The following XPO4 variants were observed in gnomAD, a reference collection of about 807,000 sequenced individuals.
The protein encoded by XPO4 is exportin-4.
A neutral mutation model predicts 143.0 loss-of-function variants in XPO4; 39 were observed. The observed-to-expected ratio is 0.27, with a 90% CI of 0.21 to 0.36. The LOEUF (loss-of-function observed/expected upper bound fraction) is 0.36. XPO4 is among the 10% of genes least tolerant of loss of function. The pLI, the probability that XPO4 is intolerant of heterozygous loss-of-function variation, is 1.00. For synonymous variants in XPO4, 439 were observed against 474.0 expected (o/e 0.93, Z 0.96); for missense variants, 907 against 1,348.0 (o/e 0.67, Z 5.12).
rs2059422764 is a variant in XPO4 at position 20,800,737 on chromosome 13, C to A, written c.1977+94G>T. The A allele has an allele frequency of 2.5e-5, 37 of 1,475,396 alleles. No individual in the cohort carries two copies. The South Asian group carries it at 3.1e-4, about 12-fold the overall frequency. The allele number at this position is 1,475,396 out of a possible 1,614,324, so 91.4% of individuals were successfully genotyped here. On this transcript the variant is annotated intron_variant, in intron 14 of 22. Transcript: ENST00000255305. ...AATGTTAAACTGCTCTTAAACAGTT[C>A]TATTTTGATGAAAAACCACCAAGAA...
At chr13:20,902,171 C>T in intron 1 of XPO4, 2 of 985,362 alleles carry the variant, frequency 2.0e-6, no homozygotes, top group Non-Finnish European at 2.4e-6. Context: ...GCTGCAATTA[C>T]TCCAGAGGTG....
chr13:20,853,055 G>C, intron 4 of XPO4: 1 of 985,240 alleles, frequency 1.0e-6, no homozygotes. Flanking sequence ...CCCATGGCCA[G>C]CCGTGGTGGC....
intron 6 of XPO4, among the ~76,000 whole-genome samples, chr13:20,836,382 T>C (rs2059917129): frequency 6.6e-6 from 1 of 152,216 alleles, no homozygotes; most frequent in Non-Finnish European, 1.5e-5. Flanking sequence ...CTATCTTTGC[T>C]TTCCAAACAC....
chr13:20,839,047 T>C (rs1332280511), intron 6 of XPO4, among the ~76,000 whole-genome samples: 1 of 152,056 alleles, frequency 6.6e-6, no homozygotes, highest in African/African-American at 2.4e-5. Flanking sequence ...GCAGATCACT[T>C]GAGGACAGGA....
At chr13:20,808,268 T>G (rs1425420922) in intron 12 of XPO4, among the ~76,000 whole-genome samples, 168 bp downstream of exon 12, 1 of 152,228 alleles carries the variant, frequency 6.6e-6, no homozygotes, top group Non-Finnish European at 1.5e-5. Context: ...GCATACATAT[T>G]AGCCAGTATT....
At chr13:20,795,423 A>G (rs147053110) in intron 18 of XPO4, among the ~76,000 whole-genome samples, 42 of 152,326 alleles carry the variant, frequency 2.8e-4, no homozygotes, top group Non-Finnish European at 7.3e-5. Context: ...CTGATCCTTC[A>G]AACACACTGA....
chr13:20,857,784 A>G, intron 3 of XPO4: 1 of 920,710 alleles, frequency 1.1e-6, no homozygotes, highest in Non-Finnish European at 1.3e-6. Context: ...AATCTGCCCA[A>G]TGCTGCAGAG....
chr13:20,809,044 G>T (rs1190423174), intron 11 of XPO4, 39 bp downstream of exon 11: 2 of 1,596,880 alleles, frequency 1.3e-6, no homozygotes, highest in South Asian at 1.1e-5. Flanking sequence ...TGTGAATAGA[G>T]AATATTTGCT....
intron 2 of XPO4, among the ~76,000 whole-genome samples, chr13:20,866,723 C>G (rs557571519): frequency 1.3e-5 from 2 of 152,294 alleles, no homozygotes; most frequent in South Asian, 4.1e-4. Flanking sequence ...ACTAGCAATA[C>G]TACTCTTTAG....
intron 2 of XPO4, among the ~76,000 whole-genome samples, chr13:20,867,118 A>G (rs1249421811): frequency 6.6e-6 from 1 of 152,252 alleles, no homozygotes; most frequent in East Asian, 1.9e-4. Context: ...TTCCTTTAAC[A>G]TTGAGTTAAA....
At position 20,807,150 on chromosome 13, in the gene XPO4, C is replaced by T. The variant is rs575468765; in HGVS notation, c.1817+307G>A. 4.6e-5 allele frequency among the ~76,000 whole-genome samples: 7 copies of T among 152,244 alleles called. No individual in the cohort carries two copies. In the East Asian group the frequency reaches 1.4e-3, roughly 29 times the overall value. On this transcript the variant is annotated intron_variant, in intron 13 of 22. Coordinates refer to ENST00000255305, the MANE Select transcript of XPO4 (RefSeq NM_022459.5). ...AGGGCGCCTGCATGCATCAGTATTG[C>T]TCTCTGATGGACAGGCGTTATGTTC...
rs757457400 is a variant in XPO4, at chr13:20,803,938, T to C, written c.1818-2948A>G. On this transcript the variant is annotated intron_variant, in intron 13 of 22. Transcript: ENST00000255305. This position sits in a 1 kb window ranked among gnomAD's most constrained non-coding sequence, Gnocchi z 4.1. ...GTTAAGGGAACAAATTAATAAGATT[T>C]ACTAAACAGACCCAGACTTGGGAGT... 6.6e-6 allele frequency among the ~76,000 whole-genome samples: 1 copy of C among 152,140 alleles called. No homozygotes were observed. The highest frequency in any genetic ancestry group is 1.5e-5 in the Non-Finnish European group (1 of 68,022).
At chr13:20,872,957 G>T (rs140598215) in intron 1 of XPO4, among the ~76,000 whole-genome samples, 7 of 152,174 alleles carry the variant, frequency 4.6e-5, no homozygotes, top group African/African-American at 1.4e-4. Context: ...GGGGCTTTTT[G>T]AATTCCCTGT....
At position 20,807,547 on chromosome 13, in the gene XPO4, A is replaced by G. The variant is rs764675251; in HGVS notation, c.1727T>C (p.Val576Ala). The change falls in exon 13 of 23, where the codon GTT (valine) becomes GCT (alanine). Residue 576 changes from valine to alanine, a missense_variant. Coordinates refer to ENST00000255305, the MANE Select transcript of XPO4 (RefSeq NM_022459.5). Reference sequence around the variant, plus strand: ...AATTTGAAGTGTTGTATTAATGTCAACTTCAGATGAATGCTTAATGGAATA... The same window carrying G: ...AATTTGAAGTGTTGTATTAATGTCAGCTTCAGATGAATGCTTAATGGAATA... ...MEYSIKHSSE[V>A]DINTTLQILG... is the part of the protein sequence containing the mutation. The G allele has an allele frequency of 6.2e-7, 1 of 1,613,662 alleles. No homozygotes were observed. The highest frequency in any genetic ancestry group is 8.5e-7 in the Non-Finnish European group (1 of 1,179,836).
rs535295277 is a variant in XPO4 at position 20,879,976 on chromosome 13, A to G, written c.70-11275T>C. Among the ~76,000 whole-genome samples the G allele has an allele frequency of 7.9e-5, 12 of 152,380 alleles. No individual in the cohort carries two copies. The South Asian group carries it at 1.7e-3, about 21-fold the overall frequency. ...AGAAGCACATGAAAAGATGTCCAAC[A>G]TACCAAATCATTAGGAAAATACAAA... On this transcript the variant is annotated intron_variant, in intron 1 of 22. Transcript: ENST00000255305.
intron 1 of XPO4, among the ~76,000 whole-genome samples, chr13:20,893,883 G>A (rs1211024835): frequency 6.6e-6 from 1 of 152,072 alleles, no homozygotes; most frequent in Non-Finnish European, 1.5e-5. Context: ...CGCTCTTGTT[G>A]CCCAGGCTGG....
intron 9 of XPO4, among the ~76,000 whole-genome samples, chr13:20,814,432 G>A (rs1566578624): frequency 6.6e-6 from 1 of 152,182 alleles, no homozygotes; most frequent in Non-Finnish European, 1.5e-5. Flanking sequence ...CTCATTGGAT[G>A]GCAATTTACA....
At chr13:20,819,166 T>C (rs1403449325) in intron 9 of XPO4, among the ~76,000 whole-genome samples, 2 of 151,996 alleles carry the variant, frequency 1.3e-5, no homozygotes, top group Admixed American at 1.3e-4. Context: ...CATAAAGCAG[T>C]AGAAGGAATT....
chr13:20,784,625 C>T (rs1402243639), intron 22 of XPO4, among the ~76,000 whole-genome samples: 1 of 152,150 alleles, frequency 6.6e-6, no homozygotes, highest in Non-Finnish European at 1.5e-5. Context: ...GGAAATTCAA[C>T]CAGGACAGAG....
Sources: gnomAD v4.1 joint callset for allele counts (sites outside exome capture counted in the v4.1 genomes callset) on GRCh38, gnomAD v4.1.1 for gene constraint, Gnocchi (gnomAD v3.1) non-coding constraint, MANE v1.5 for transcripts, NCBI Gene and HGNC (gene_info 2026-07-23, HGNC 2026-07-21) for gene names.